PIEZO2: variants seen among roughly 807,000 people sequenced by gnomAD.
PIEZO2 encodes piezo-type mechanosensitive ion channel component 2.
A neutral mutation model predicts 337.3 loss-of-function variants in PIEZO2; 172 were observed. The ratio of observed to expected loss-of-function variants is 0.51; its 90% CI spans 0.45 to 0.58. The LOEUF (loss-of-function observed/expected upper bound fraction) is 0.58, where lower values mean the gene tolerates loss of function less well. Among genes scored for constraint, PIEZO2 ranks in the 20% least tolerant of loss-of-function variants. The pLI, the probability that PIEZO2 is intolerant of heterozygous loss-of-function variation, is 0.00. For missense variants in PIEZO2, 3,028 were observed against 3,391.3 expected (o/e 0.89, Z 2.66); for synonymous variants, 1,251 against 1,228.5 (o/e 1.02, Z -0.38).
At chr18:10,683,626 T>C (rs897462800) in intron 49 of PIEZO2, among the ~76,000 whole-genome samples, 6 of 152,208 alleles carry the variant, frequency 3.9e-5, no homozygotes, top group African/African-American at 9.7e-5. Context: ...ATCTGAAATA[T>C]ATATTCACAA....
intron 33 of PIEZO2, among the ~76,000 whole-genome samples, chr18:10,737,137 T>TGAATGGGCCCAAACCGTTG (rs1324433618): frequency 4.3e-4 from 66 of 152,206 alleles, no homozygotes; most frequent in African/African-American, 1.5e-3. Context: ...AGGCTTTGTC[T>TGAATGGGCCCAAACCGTTG]GAATGGGCCC....
chr18:10,711,397 T>A (rs1369768631), intron 39 of PIEZO2, among the ~76,000 whole-genome samples: 3 of 152,174 alleles, frequency 2.0e-5, no homozygotes, highest in Non-Finnish European at 4.4e-5. Flanking sequence ...CAGGCTCATG[T>A]GTGATACTCA....
intron 54 of PIEZO2, 36 bp downstream of exon 54, chr18:10,675,173 G>A (rs1274985253): frequency 7.8e-6 from 11 of 1,409,234 alleles, no homozygotes; most frequent in Non-Finnish European, 7.9e-6. Flanking sequence ...AACTAGGATT[G>A]AAAACAATTC....
chr18:10,720,974 A>C (rs2143956073), intron 36 of PIEZO2, among the ~76,000 whole-genome samples: 1 of 152,320 alleles, frequency 6.6e-6, no homozygotes, highest in South Asian at 2.1e-4. Flanking sequence ...TTCCCTGAAG[A>C]CATACTTGGC....
At chr18:10,742,405 TAAG>T in intron 32 of PIEZO2, 86 bp downstream of exon 32, 1 of 1,399,298 alleles carries the variant, frequency 7.1e-7, no homozygotes. Flanking sequence ...CTTGGCAGAA[TAAG>T]AAGTAATGTT....
intron 1 of PIEZO2, among the ~76,000 whole-genome samples, chr18:11,075,782 ATTTC>A (rs2038512962): frequency 7.3e-6 from 1 of 137,532 alleles, no homozygotes; most frequent in South Asian, 2.5e-4. Context: ...ATAGAGATAT[ATTTC>A]TTTTTTTTTT....
rs1020542407 is a variant in PIEZO2, at chr18:10,856,497, G to A, written c.703+504C>T. ...AAGATAACATTATTATGGAATAAGCGGTCCAAGTCCAAAATTTAAAGGAAG... is the reference window on the plus strand; with the variant it reads ...AAGATAACATTATTATGGAATAAGCAGTCCAAGTCCAAAATTTAAAGGAAG... On this transcript the variant is annotated intron_variant, in intron 6 of 55. Coordinates refer to ENST00000674853, the MANE Select transcript of PIEZO2 (RefSeq NM_001378183.1). This position sits in a 1 kb window ranked among gnomAD's most constrained non-coding sequence, Gnocchi z 4.7. Among the ~76,000 whole-genome samples the A allele has an allele frequency of 1.3e-5, 2 of 152,140 alleles. No homozygotes were observed. The highest frequency in any genetic ancestry group is 3.8e-4 in the East Asian group (2 of 5,200).
chr18:10,784,665 G>A lies in PIEZO2; in HGVS notation c.2492+119C>T. On this transcript the variant is annotated intron_variant, in intron 17 of 55. Transcript: ENST00000674853. The surrounding 1 kb of genome is among the most constrained non-coding windows in gnomAD (Gnocchi z 4.5). ...CTTTTTCTCACAAGCTGATACTCATGGAAAATTCAAGGCTGAAACTTTTAG... is the reference window on the plus strand; with the variant it reads ...CTTTTTCTCACAAGCTGATACTCATAGAAAATTCAAGGCTGAAACTTTTAG... 1.0e-6 allele frequency: 1 copy of A among 1,000,762 alleles called. No individual in the cohort carries two copies. The highest frequency in any genetic ancestry group is 2.9e-5 in the Admixed American group (1 of 33,912). The allele number at this position is 1,000,762 out of a possible 1,614,324, so 62.0% of individuals were successfully genotyped here. A position where few individuals can be genotyped will look rare whatever the true frequency, so the allele number is the denominator to read the frequency against.
intron 55 of PIEZO2, 61 bp from the exon 56 acceptor site, chr18:10,671,840 C>A: frequency 1.4e-6 from 2 of 1,399,802 alleles, no homozygotes; most frequent in South Asian, 3.2e-5. Context: ...TAAAGAAAAG[C>A]ATGTCTAAAA....
In PIEZO2 at chr18:10,993,024, T is replaced by C. The variant is rs970781925; in HGVS notation, c.161-13364A>G. Among the ~76,000 whole-genome samples, 9 of 152,096 alleles carry C rather than the reference T, an allele frequency of 5.9e-5. No individual in the cohort carries two copies. The highest frequency in any genetic ancestry group is 1.3e-4 in the Non-Finnish European group (9 of 67,972). On this transcript the variant is annotated intron_variant, in intron 2 of 55. Transcript: ENST00000674853. This position sits in a 1 kb window ranked among gnomAD's most constrained non-coding sequence, Gnocchi z 5.0. ...GTGAATTCATTCATGATTTGGCTGT[T>C]TGTCTGTTATTGGTGTATAGGAATG... is the stretch of plus-strand genomic sequence containing the variant.
rs568663048 is a variant in PIEZO2 at position 10,903,532 on chromosome 18, T to C, written c.329+7654A>G. On this transcript the variant is annotated intron_variant, in intron 4 of 55. Transcript: ENST00000674853. This position sits in a 1 kb window ranked among gnomAD's most constrained non-coding sequence, Gnocchi z 4.1. Reference sequence around the variant, plus strand: ...AAAAATAAAAAAAATTAGCTGGGCATAGTGGCGCGCTCCTGTAGTCCCAGC... The same window carrying C: ...AAAAATAAAAAAAATTAGCTGGGCACAGTGGCGCGCTCCTGTAGTCCCAGC... 1.3e-5 allele frequency among the ~76,000 whole-genome samples: 2 copies of C among 152,052 alleles called. No homozygotes were observed. The highest frequency in any genetic ancestry group is 2.4e-5 in the African/African-American group (1 of 41,468).
At position 10,945,243 on chromosome 18, in the gene PIEZO2, A is replaced by G. The variant is rs995595712; in HGVS notation, c.287-34015T>C. On this transcript the variant is annotated intron_variant, in intron 3 of 55. Transcript: ENST00000674853. The surrounding 1 kb of genome is among the most constrained non-coding windows in gnomAD (Gnocchi z 4.0). ...CACTCAGGCTGGAGTGCAGTGGCACAATCATAGCTCACTGCAGCCTCAAAC... is the reference window on the plus strand; with the variant it reads ...CACTCAGGCTGGAGTGCAGTGGCACGATCATAGCTCACTGCAGCCTCAAAC... Among the ~76,000 whole-genome samples, 1 of 152,144 alleles carries G rather than the reference A, an allele frequency of 6.6e-6. No homozygotes were observed. The highest frequency in any genetic ancestry group is 1.9e-4 in the East Asian group (1 of 5,190).
chr18:10,720,407 GTGTATGTGTATGTATATATA>G (rs1567983798), intron 36 of PIEZO2, among the ~76,000 whole-genome samples: 162 of 11,896 alleles, frequency 0.014, 12 homozygotes, highest in South Asian at 0.033. Flanking sequence ...GTGTGTGTAT[GTGTATGTGTATGTATATATA>G]TATATATATA....
At chr18:10,705,793 A>C in intron 40 of PIEZO2, 47 bp from the exon 41 acceptor site, 4 of 1,448,424 alleles carry the variant, frequency 2.8e-6, no homozygotes, top group African/African-American at 2.9e-5. Context: ...TAGCATCCAC[A>C]CTCCTGGGGT....
chr18:10,780,379 A>G lies in PIEZO2; in HGVS notation c.2493-13T>C, dbSNP rs903032619. The stretch of plus-strand genomic sequence containing the variant: ...GACTTTGGCATGGCTACGAGGTGGC[A>G]GACGGAAGCACAGGGATGCAATGAG... On this transcript the variant is annotated splice_polypyrimidine_tract_variant and intron_variant, in intron 17 of 55. Transcript: ENST00000674853. 6 of 702,888 alleles carry G rather than the reference A, an allele frequency of 8.5e-6. No individual in the cohort carries two copies. Among genetic ancestry groups the G allele is most frequent in the Non-Finnish European group, 1.6e-5 (6 of 385,004 alleles). The allele number at this position is 702,888 out of a possible 1,614,324, so 43.5% of individuals were successfully genotyped here.
intron 9 of PIEZO2, 74 bp downstream of exon 9, chr18:10,803,801 T>C: frequency 2.0e-6 from 3 of 1,493,088 alleles, no homozygotes; most frequent in Non-Finnish European, 2.7e-6. Flanking sequence ...TATGATATTA[T>C]AAGGCTCATA....
Position 10,728,175 on chromosome 18 carries a change from T to C in PIEZO2, c.5029+3232A>G, listed in dbSNP as rs1044477800. 3 of 152,622 alleles carry C rather than the reference T, an allele frequency of 2.0e-5. No individual in the cohort carries two copies. The South Asian group carries it at 6.2e-4, about 32-fold the overall frequency. 9.5% of individuals were successfully genotyped at this position (152,622 alleles called of 1,614,324 possible). A position where few individuals can be genotyped will look rare whatever the true frequency, so the allele number is the denominator to read the frequency against. On this transcript the variant is annotated intron_variant, in intron 36 of 55. Coordinates refer to ENST00000674853, the MANE Select transcript of PIEZO2 (RefSeq NM_001378183.1). Reference sequence around the variant, plus strand: ...ACATTCAAATGAAAATAAAAGCCATTTGTCATCCTTAGAAAGAAAAATGAT... The same window carrying C: ...ACATTCAAATGAAAATAAAAGCCATCTGTCATCCTTAGAAAGAAAAATGAT...
rs1011754392 is a variant in PIEZO2, at chr18:10,716,311, G to A, written c.5090-495C>T. Among the ~76,000 whole-genome samples the A allele has an allele frequency of 2.0e-5, 3 of 152,070 alleles. No homozygotes were observed. Among genetic ancestry groups the A allele is most frequent in the African/African-American group, 7.2e-5 (3 of 41,404 alleles). ...ACGATGAGGATGAGAGCTTTATGAT[G>A]GTCCACTTCCATTTACTGAATAGGA... is the stretch of plus-strand genomic sequence containing the variant. On this transcript the variant is annotated intron_variant, in intron 37 of 55. Coordinates refer to ENST00000674853, the MANE Select transcript of PIEZO2 (RefSeq NM_001378183.1). This position sits in a 1 kb window ranked among gnomAD's most constrained non-coding sequence, Gnocchi z 4.1.
rs2035628097 is a variant in PIEZO2 at position 10,707,375 on chromosome 18, T to C, written c.5588+900A>G. ...GCAGGCACATGCCCGCCAGAGGACT[T>C]TGTCAAATGGCCAAGGCATTCCCAT... On this transcript the variant is annotated intron_variant, in intron 40 of 55. Coordinates refer to ENST00000674853, the MANE Select transcript of PIEZO2 (RefSeq NM_001378183.1). The surrounding 1 kb of genome is among the most constrained non-coding windows in gnomAD (Gnocchi z 4.2). Among the ~76,000 whole-genome samples, 1 of 152,032 alleles carries C rather than the reference T, an allele frequency of 6.6e-6. No individual in the cohort carries two copies. The highest frequency in any genetic ancestry group is 1.5e-5 in the Non-Finnish European group (1 of 68,000).
Sources: allele counts gnomAD v4.1 joint callset (sites outside exome capture counted in the v4.1 genomes callset), GRCh38; gene constraint gnomAD v4.1.1; non-coding constraint Gnocchi (gnomAD v3.1); transcripts MANE v1.5; gene names NCBI Gene and HGNC (gene_info 2026-07-23, HGNC 2026-07-21).